GREB1: variants seen among roughly 807,000 people sequenced by gnomAD.
GREB1 encodes the protein protein GREB1.
GREB1 carries 106 observed loss-of-function variants against 200.7 expected under a neutral mutation model. The observed-to-expected ratio is 0.53, with a 90% confidence interval of 0.45 to 0.62. GREB1 has a LOEUF of 0.62. Ranked by LOEUF, GREB1 falls within the 20% of genes least tolerant of loss-of-function variation. The probability of loss-of-function intolerance (pLI) is 0.00; values close to 1 mark genes in which losing one functional copy is unlikely to be tolerated. For synonymous variants in GREB1, 1,132 were observed against 1,092.4 expected, an observed-to-expected ratio of 1.04 and a Z score of -0.72; for missense variants, 2,243 against 2,556.8, an observed-to-expected ratio of 0.88 and a Z score of 2.65.
chr2:11,596,027 C>T, intron 12 of GREB1, 84 bp from the exon 13 acceptor site: 1 of 1,348,580 alleles, frequency 7.4e-7, no homozygotes, highest in Non-Finnish European at 1.0e-6. Flanking sequence ...GGCCTCGGGA[C>T]AGTACCTGAC....
At position 11,578,398 on chromosome 2, in the gene GREB1, A is replaced by G. The variant is rs1413924095; in HGVS notation, c.739A>G (p.Asn247Asp). The G allele has an allele frequency of 1.1e-5, 18 of 1,613,936 alleles. No individual in the cohort carries two copies. The highest frequency in any genetic ancestry group is 1.4e-5 in the Non-Finnish European group (17 of 1,180,030). Residue 247 changes from asparagine to aspartate, a missense_variant, in exon 6 of 33, where the codon AAC (asparagine) becomes GAC (aspartate). Asn to Asp is a conservative substitution (Grantham distance 23). This residue lies in a region of GREB1 where 1,178 missense variants were observed against 1,387.4 expected (regional missense o/e 0.85). Coordinates refer to ENST00000381486, the MANE Select transcript of GREB1 (RefSeq NM_014668.4). ...AFPSEPVPGT[N>D]PSILMGAQQA... ...CCCCAGCGAGCCCGTTCCTGGGACGAACCCCAGCATCCTGATGGGAGCTCA... is the reference window on the plus strand; with the variant it reads ...CCCCAGCGAGCCCGTTCCTGGGACGGACCCCAGCATCCTGATGGGAGCTCA...
rs753156476 is a variant in GREB1 at position 11,593,114 on chromosome 2, A to G, written c.1684A>G (p.Ile562Val). The change falls in exon 11 of 33, where the codon ATC (isoleucine) becomes GTC (valine). Residue 562 changes from isoleucine to valine, a missense_variant. Physicochemically the swap from Ile to Val is conservative, Grantham distance 29 (BLOSUM62 3). This residue lies in a region of GREB1 where 1,178 missense variants were observed against 1,387.4 expected (regional missense o/e 0.85). Coordinates refer to ENST00000381486, the MANE Select transcript of GREB1 (RefSeq NM_014668.4). ...CCGCAGCGCGGCCATCGACTCCTGC[A>G]TCGCCGTCACCGGTGAGCTCTGGGC... The part of the protein sequence containing the change: ...ACRSAAIDSC[I>V]AVTGKYQARI... 6 of 1,602,966 alleles carry G rather than the reference A, an allele frequency of 3.7e-6. No individual in the cohort carries two copies. In the East Asian group the frequency reaches 1.1e-4, roughly 30 times the overall value.
intron 1 of GREB1, among the ~76,000 whole-genome samples, chr2:11,545,517 T>G (rs982742177): frequency 1.3e-5 from 2 of 152,096 alleles, no homozygotes; most frequent in Non-Finnish European, 2.9e-5. Flanking sequence ...AACCCAAAGT[T>G]TGGAGCATGG....
chr2:11,610,925 C>T lies in GREB1; in HGVS notation c.2904C>T (p.Ala968=), dbSNP rs1299200937. 7 of 1,611,996 alleles carry T rather than the reference C, an allele frequency of 4.3e-6. No individual in the cohort carries two copies. Among genetic ancestry groups the T allele is most frequent in the Non-Finnish European group, 5.1e-6 (6 of 1,179,504 alleles). Residue 968 remains alanine (A), a synonymous_variant, in exon 18 of 33, where the codon GCC becomes GCT. Coordinates refer to ENST00000381486, the MANE Select transcript of GREB1 (RefSeq NM_014668.4). ...PLAVVAYERL[A]HVRARLALEE... ...CGGTGGTGGCCTATGAGCGGCTGGC[C>T]CACGTGCGGGCCCGGCTGGCGCTGG... is the stretch of plus-strand genomic sequence containing the variant.
intron 1 of GREB1, among the ~76,000 whole-genome samples, chr2:11,555,354 CA>C (rs1408870358): frequency 6.6e-6 from 1 of 152,132 alleles, no homozygotes; most frequent in Non-Finnish European, 1.5e-5. Context: ...CATTTTCACT[CA>C]ATGGAAGCAG....
intron 30 of GREB1, among the ~76,000 whole-genome samples, chr2:11,635,792 TG>T (rs1048476400): frequency 1.3e-5 from 2 of 152,306 alleles, no homozygotes; most frequent in African/African-American, 4.8e-5. Flanking sequence ...ATGTGTCCAC[TG>T]GGCAGCCTCG....
chr2:11,578,496 C>A, intron 6 of GREB1, 65 bp downstream of exon 6: 1 of 1,528,794 alleles, frequency 6.5e-7, no homozygotes, highest in Non-Finnish European at 9.0e-7. Context: ...CCGATGTGTC[C>A]GGTTGACTAT....
intron 13 of GREB1, 102 bp downstream of exon 13, chr2:11,596,341 G>A (rs1222140801): frequency 2.2e-5 from 21 of 956,532 alleles, no homozygotes; most frequent in Admixed American, 7.0e-5. Context: ...GGGCCATGGC[G>A]CAAGTGTGCA....
At chr2:11,513,722 C>T (rs1280801320) in intron 1 of GREB1, among the ~76,000 whole-genome samples, 1 of 152,082 alleles carries the variant, frequency 6.6e-6, no homozygotes, top group African/African-American at 2.4e-5. Flanking sequence ...TGTAATAACT[C>T]ACATTTATTT....
At chr2:11,594,357 T>G (rs998937137) in intron 11 of GREB1, among the ~76,000 whole-genome samples, 47 of 108,956 alleles carry the variant, frequency 4.3e-4, no homozygotes, top group Non-Finnish European at 8.0e-4. Flanking sequence ...TTTAGCATTT[T>G]TTTTCTTTTT....
At chr2:11,495,519 T>G (rs1672860520) in intron 1 of GREB1, among the ~76,000 whole-genome samples, 1 of 151,034 alleles carries the variant, frequency 6.6e-6, no homozygotes, top group Non-Finnish European at 1.5e-5. Context: ...AAGGATGCAT[T>G]AAAAAAAAAT....
At position 11,587,089 on chromosome 2, in the gene GREB1, C is replaced by G. The variant is rs547055193; in HGVS notation, c.1159+1184C>G. Among the ~76,000 whole-genome samples, 3 of 152,308 alleles carry G rather than the reference C, an allele frequency of 2.0e-5. No individual in the cohort carries two copies. The East Asian group carries it at 5.8e-4, about 29-fold the overall frequency. ...CAAGTCTACGTCTCACACGAGCAAT[C>G]TCAGAATAGAGACTGTCCTCTCGGT... is the stretch of plus-strand genomic sequence containing the variant. On this transcript the variant is annotated intron_variant, in intron 9 of 32. Transcript: ENST00000381486.
At position 11,592,948 on chromosome 2, in the gene GREB1, C is replaced by A; in HGVS notation, c.1518C>A (p.Ser506Arg). The change falls in exon 11 of 33, where the codon AGC becomes AGA. Residue 506 changes from serine (S) to arginine (R), a missense_variant. Physicochemically the swap from Ser to Arg is moderately radical, Grantham distance 110. Around this residue, in one of 3 missense-constraint regions of GREB1, gnomAD observed 1,178 missense variants for 1,387.4 expected, o/e 0.85. Transcript: ENST00000381486. ...VTSAQLPWLA[S>R]LAASSCNDSV... ...CCGCGCAGCTGCCCTGGCTGGCCAG[C>A]CTGGCCGCCAGCTCCTGCAACGACA... 6.3e-7 allele frequency: 1 copy of A among 1,586,904 alleles called. No homozygotes were observed. The highest frequency in any genetic ancestry group is 2.3e-5 in the East Asian group (1 of 43,518).
At position 11,636,561 on chromosome 2, in the gene GREB1, C is replaced by T. The variant is rs78407881; in HGVS notation, c.5347-1155C>T. 6.0e-4 allele frequency among the ~76,000 whole-genome samples: 91 copies of T among 152,344 alleles called. No individual in the cohort carries two copies. The East Asian group carries it at 0.014, about 24-fold the overall frequency. The stretch of plus-strand genomic sequence containing the variant: ...TGCTCAGGAGTACCCAGCCCAGCAG[C>T]TGGGGCAGATGTTAGACACATGGCT... On this transcript the variant is annotated intron_variant, in intron 30 of 32. Transcript: ENST00000381486.
chr2:11,594,915 C>T (rs539951746), intron 11 of GREB1, among the ~76,000 whole-genome samples: 109 of 151,740 alleles, frequency 7.2e-4, no homozygotes, highest in Non-Finnish European at 1.3e-3. Context: ...AGGATGGTCT[C>T]GATCTCCTGA....
chr2:11,632,728 C>A (rs1044401736), intron 27 of GREB1, among the ~76,000 whole-genome samples, 161 bp from the exon 28 acceptor site: 1 of 152,222 alleles, frequency 6.6e-6, no homozygotes, highest in Non-Finnish European at 1.5e-5. Context: ...CTGTAGTTTT[C>A]TCTCCCTAGC....
intron 17 of GREB1, among the ~76,000 whole-genome samples, chr2:11,606,520 A>G (rs1402174829): frequency 6.6e-6 from 1 of 152,090 alleles, no homozygotes; most frequent in Non-Finnish European, 1.5e-5. Context: ...ATTATTTTCA[A>G]ACGACCCAAA....
In GREB1 at chr2:11,634,196, C is replaced by G. The variant is rs1400600819; in HGVS notation, c.5057C>G (p.Pro1686Arg). ...KHIMQHIEAA[P>R]DIMHYALLGL... ...ATCATGCAGCACATCGAGGCGGCCCCCGACATCATGCACTACGCCCTGCTG... is the reference window on the plus strand; with the variant it reads ...ATCATGCAGCACATCGAGGCGGCCCGCGACATCATGCACTACGCCCTGCTG... The change falls in exon 29 of 33, where the codon CCC becomes CGC. Residue 1686 changes from proline (P) to arginine (R), a missense_variant. Around this residue, in one of 3 missense-constraint regions of GREB1, gnomAD observed 478 missense variants for 616.3 expected, o/e 0.78. Coordinates refer to ENST00000381486, the MANE Select transcript of GREB1 (RefSeq NM_014668.4). 1.1e-5 allele frequency: 17 copies of G among 1,614,228 alleles called. No homozygotes were observed. The highest frequency in any genetic ancestry group is 1.4e-5 in the Non-Finnish European group (17 of 1,180,040).
In GREB1 at chr2:11,620,895, A is replaced by C; in HGVS notation, c.4045-10A>C. ...CCTCACTGGGGGTTTTAACTCCTAT[A>C]CCTTTACAGATCGGGAAGACAGGTG... is the stretch of plus-strand genomic sequence containing the variant. On this transcript the variant is annotated splice_polypyrimidine_tract_variant and intron_variant, in intron 22 of 32. Transcript: ENST00000381486. 2 of 1,569,646 alleles carry C rather than the reference A, an allele frequency of 1.3e-6. No homozygotes were observed. The highest frequency in any genetic ancestry group is 1.8e-6 in the Non-Finnish European group (2 of 1,139,412).
Sources: gnomAD v4.1 joint callset for allele counts (sites outside exome capture counted in the v4.1 genomes callset) on GRCh38, gnomAD v4.1.1 for gene constraint, gnomAD v4.1.1 regional missense constraint, MANE v1.5 for transcripts, NCBI Gene and HGNC (gene_info 2026-07-23, HGNC 2026-07-21) for gene names.